SKIC3: variants seen among roughly 807,000 people sequenced by gnomAD.
SKIC3 encodes the protein SKI3 subunit of superkiller complex.
the SKIC3 span, among the ~76,000 whole-genome samples, chr5:95,519,179 G>A: frequency 2.6e-5 from 4 of 151,924 alleles, no homozygotes; most frequent in African/African-American, 9.6e-5. Context: ...AAAGCAAAGA[G>A]AAATATTAAT....
At chr5:95,522,872 CA>C in the SKIC3 span, among the ~76,000 whole-genome samples, 1 of 152,184 alleles carries the variant, frequency 6.6e-6, no homozygotes, top group South Asian at 2.1e-4. Context: ...TTTAAGCTGC[CA>C]AATGTCTCCC....
At chr5:95,510,173 C>CA in the SKIC3 span, among the ~76,000 whole-genome samples, 1 of 152,078 alleles carries the variant, frequency 6.6e-6, no homozygotes, top group Non-Finnish European at 1.5e-5. Flanking sequence ...ATTTTAATGT[C>CA]AAAAAACATA....
At chr5:95,497,375 GTTATT>G in the SKIC3 span, 2 of 1,489,482 alleles carry the variant, frequency 1.3e-6, no homozygotes, top group Non-Finnish European at 1.9e-6. Flanking sequence ...CATATCACAA[GTTATT>G]TTATCTCTTT....
chr5:95,546,330 C>T, the SKIC3 span, among the ~76,000 whole-genome samples: 1 of 147,846 alleles, frequency 6.8e-6, no homozygotes, highest in Non-Finnish European at 1.5e-5. Flanking sequence ...GTTTCTTTTC[C>T]CACCATGAGA....
the SKIC3 span, chr5:95,529,163 C>T: frequency 5.1e-6 from 7 of 1,379,720 alleles, no homozygotes; most frequent in African/African-American, 1.0e-4. Context: ...ATGAACAGCA[C>T]CAATGCCTAC....
At chr5:95,491,187 G>C in the SKIC3 span, 1 of 1,171,766 alleles carries the variant, frequency 8.5e-7, no homozygotes, top group African/African-American at 1.6e-5. Context: ...AATTGCACTT[G>C]TTTTCAGAGA....
chr5:95,470,403 A>C, the SKIC3 span, among the ~76,000 whole-genome samples: 2 of 152,208 alleles, frequency 1.3e-5, no homozygotes, highest in Admixed American at 1.3e-4. Context: ...AATGGGGTAG[A>C]CTGGGATAAA....
chr5:95,482,112 G>C, the SKIC3 span, among the ~76,000 whole-genome samples: 1 of 152,140 alleles, frequency 6.6e-6, no homozygotes, highest in Non-Finnish European at 1.5e-5. Context: ...CTGTAAAGTA[G>C]CTAGGGAGAA....
chr5:95,531,477 GA>G, the SKIC3 span, among the ~76,000 whole-genome samples: 1 of 152,106 alleles, frequency 6.6e-6, no homozygotes, highest in Non-Finnish European at 1.5e-5. Context: ...CCATAAATAT[GA>G]ATTCCAAAAA....
the SKIC3 span, among the ~76,000 whole-genome samples, chr5:95,475,799 T>C: frequency 1.3e-5 from 2 of 152,160 alleles, no homozygotes; most frequent in African/African-American, 4.8e-5. Flanking sequence ...TAATTTTTGG[T>C]GTTGTAGTTT....
the SKIC3 span, among the ~76,000 whole-genome samples, chr5:95,477,630 C>T: frequency 6.6e-6 from 1 of 152,158 alleles, no homozygotes; most frequent in South Asian, 2.1e-4. Context: ...CAAATAACTG[C>T]CATTATATTT....
chr5:95,467,787 C>T, the SKIC3 span: 1 of 1,580,100 alleles, frequency 6.3e-7, no homozygotes, highest in Non-Finnish European at 8.6e-7. Context: ...AACAATAACT[C>T]TAAAACCCTT....
the SKIC3 span, among the ~76,000 whole-genome samples, chr5:95,505,769 C>T: frequency 6.0e-5 from 9 of 151,178 alleles, no homozygotes; most frequent in African/African-American, 1.5e-4. Context: ...GCCAAGATCG[C>T]GCCACTGCAC....
At chr5:95,484,860 T>C in the SKIC3 span, 2 of 1,613,272 alleles carry the variant, frequency 1.2e-6, no homozygotes, top group Non-Finnish European at 1.7e-6. Context: ...AAACAAAAAA[T>C]GTCAATGTTA....
the SKIC3 span, among the ~76,000 whole-genome samples, chr5:95,475,991 C>T: frequency 2.0e-5 from 3 of 152,364 alleles, no homozygotes; most frequent in African/African-American, 7.2e-5. Flanking sequence ...GGGGAAGCCC[C>T]CTCTGATCAT....
the SKIC3 span, chr5:95,528,167 G>A: frequency 3.1e-6 from 5 of 1,613,104 alleles, no homozygotes; most frequent in African/African-American, 6.7e-5. Flanking sequence ...CAAAATTAAG[G>A]GTATCCAAAT....
the SKIC3 span, chr5:95,498,250 C>A: frequency 9.9e-7 from 1 of 1,006,216 alleles, no homozygotes; most frequent in Non-Finnish European, 1.5e-6. Context: ...TTTCATAAAA[C>A]CAGGGTTTGG....
chr5:95,536,046 C>T, the SKIC3 span, among the ~76,000 whole-genome samples: 26 of 152,088 alleles, frequency 1.7e-4, no homozygotes, highest in African/African-American at 6.3e-4. Context: ...GGTGGAAAAA[C>T]CAATACAGCC....
the SKIC3 span, among the ~76,000 whole-genome samples, chr5:95,472,595 T>C: frequency 6.6e-6 from 1 of 151,804 alleles, no homozygotes; most frequent in Non-Finnish European, 1.5e-5. Flanking sequence ...TCCAAAGAAA[T>C]GTCTTCACAA....
Sources: allele counts gnomAD v4.1 joint callset (sites outside exome capture counted in the v4.1 genomes callset), GRCh38; gene constraint gnomAD v4.1.1; transcripts MANE v1.5; gene names NCBI Gene and HGNC (gene_info 2026-07-23, HGNC 2026-07-21).